Variants in SPIN1 observed in about 807,000 individuals in gnomAD.
SPIN1 encodes the protein spindlin 1.
In SPIN1, 3 loss-of-function variants were observed where a neutral mutation model predicts 26.0. That is an observed-to-expected ratio of 0.12 (90% CI 0.05 to 0.30). The LOEUF (loss-of-function observed/expected upper bound fraction) is 0.30, where lower values mean the gene tolerates loss of function less well. SPIN1 is among the 10% of genes least tolerant of loss of function. The pLI, the probability that SPIN1 is intolerant of heterozygous loss-of-function variation, is 1.00. For synonymous variants in SPIN1, 101 were observed against 116.5 expected, an observed-to-expected ratio of 0.87 and a Z score of 0.86; for missense variants, 126 against 333.4, an observed-to-expected ratio of 0.38 and a Z score of 4.84.
chr9:88,420,386 AACAG>A (rs1323153153), intron 1 of SPIN1, among the ~76,000 whole-genome samples: 1 of 152,172 alleles, frequency 6.6e-6, no homozygotes, highest in Admixed American at 6.5e-5. Context: ...AACAAAACGA[AACAG>A]AAACAAAACA....
chr9:88,457,038 A>G (rs1167002541), intron 3 of SPIN1, among the ~76,000 whole-genome samples: 1 of 152,198 alleles, frequency 6.6e-6, no homozygotes, highest in Non-Finnish European at 1.5e-5. Flanking sequence ...TCAAGATGAA[A>G]AGTATGACAG....
chr9:88,396,616 A>G (rs1411886836), intron 1 of SPIN1, among the ~76,000 whole-genome samples: 1 of 152,092 alleles, frequency 6.6e-6, no homozygotes, highest in Non-Finnish European at 1.5e-5. Context: ...AACAAAACAG[A>G]AAAACTCTAA....
At chr9:88,457,807 A>G in intron 3 of SPIN1, 2 of 976,408 alleles carry the variant, frequency 2.0e-6, no homozygotes, top group Non-Finnish European at 1.2e-6. Flanking sequence ...CTAGAAAGAC[A>G]GAATATACAT....
chr9:88,432,485 C>CTTTT (rs539466271), intron 2 of SPIN1, among the ~76,000 whole-genome samples: 1 of 141,548 alleles, frequency 7.1e-6, no homozygotes. Flanking sequence ...ACCCTGGCTC[C>CTTTT]TTTTTTTTTT....
chr9:88,460,927 A>G (rs1175399552), intron 3 of SPIN1, among the ~76,000 whole-genome samples: 3 of 152,196 alleles, frequency 2.0e-5, no homozygotes, highest in Non-Finnish European at 4.4e-5. Flanking sequence ...GCTCAGTGTT[A>G]GATAGTAGTT....
Position 88,468,596 on chromosome 9 carries a change from C to T in SPIN1, c.580C>T (p.Pro194Ser), listed in dbSNP as rs371662192. ...CAAAGAAGGCGACCTTCGCATTATG[C>T]CTGATTCCAGTAAGTATATATTGGC... ...DYKEGDLRIM[P>S]DSNDSPPAER... The change falls in exon 5 of 6, where the codon CCT becomes TCT. Residue 194 changes from proline (P) to serine (S), a missense_variant. Physicochemically the swap from Pro to Ser is moderately conservative, Grantham distance 74 (BLOSUM62 -1). Coordinates refer to ENST00000375859, the MANE Select transcript of SPIN1 (RefSeq NM_006717.3). The T allele has an allele frequency of 1.3e-5, 20 of 1,533,938 alleles. No homozygotes were observed. Among genetic ancestry groups the T allele is most frequent in the Non-Finnish European group, 1.7e-5 (19 of 1,140,504 alleles).
chr9:88,392,756 G>A (rs916274159), intron 1 of SPIN1, among the ~76,000 whole-genome samples: 3 of 152,160 alleles, frequency 2.0e-5, no homozygotes, highest in African/African-American at 7.2e-5. Flanking sequence ...GAGCTTAAAT[G>A]AAGTAAAATG....
intron 2 of SPIN1, among the ~76,000 whole-genome samples, chr9:88,444,392 C>T (rs1828201922): frequency 6.6e-6 from 1 of 151,652 alleles, no homozygotes; most frequent in African/African-American, 2.4e-5. Flanking sequence ...AGGCACCTGC[C>T]ACTATGCCCG....
At chr9:88,460,368 T>A (rs1828555822) in intron 3 of SPIN1, among the ~76,000 whole-genome samples, 1 of 152,226 alleles carries the variant, frequency 6.6e-6, no homozygotes, top group Admixed American at 6.5e-5. Context: ...TTACTTTGTT[T>A]GGTAGTTCTC....
rs184719326 is a variant in SPIN1, at chr9:88,458,046, G to A, written c.102-4450G>A. 3,229 of 902,836 alleles carry A rather than the reference G, an allele frequency of 3.6e-3. 3 individuals carry two copies. The highest frequency in any genetic ancestry group is 4.0e-3 in the Non-Finnish European group (2,983 of 754,768). 55.9% of individuals were successfully genotyped at this position (902,836 alleles called of 1,614,324 possible). A position where few individuals can be genotyped will look rare whatever the true frequency, so the allele number is the denominator to read the frequency against. ...CTTTGGCTGGGGGATGAAAAGTATA[G>A]GTTTTGATTAATCACAGATTTTAAT... On this transcript the variant is annotated intron_variant, in intron 3 of 5. Coordinates refer to ENST00000375859, the MANE Select transcript of SPIN1 (RefSeq NM_006717.3).
rs1435161116 is a variant in SPIN1 at position 88,411,288 on chromosome 9, ACT to A, written c.-158-15092_-158-15091del. Reference sequence around the variant, plus strand: ...ACCTCCACAGTGGCATATGTGACAAACTCAAAGCCCCTGGAGCACTTGGTGTT... The same window carrying A: ...ACCTCCACAGTGGCATATGTGACAAACAAAGCCCCTGGAGCACTTGGTGTT... On this transcript the variant is annotated intron_variant, in intron 1 of 5. Coordinates refer to ENST00000375859, the MANE Select transcript of SPIN1 (RefSeq NM_006717.3). 1.4e-4 allele frequency: 186 copies of A among 1,286,204 alleles called. 1 individual carries two copies. The highest frequency in any genetic ancestry group is 2.6e-4 in the Middle Eastern group (1 of 3,858). 79.7% of individuals were successfully genotyped at this position (1,286,204 alleles called of 1,614,324 possible).
intron 1 of SPIN1, among the ~76,000 whole-genome samples, chr9:88,394,482 C>T (rs932275577): frequency 4.6e-5 from 7 of 152,148 alleles, no homozygotes; most frequent in Non-Finnish European, 1.0e-4. Context: ...ATTTCCAGTT[C>T]GAATTTAACA....
intron 3 of SPIN1, chr9:88,457,835 A>C: frequency 2.0e-6 from 2 of 982,636 alleles, no homozygotes; most frequent in South Asian, 9.4e-5. Context: ...AAATGTGAAA[A>C]TACTACGCAA....
chr9:88,468,318 T>C, intron 4 of SPIN1, 54 bp from the exon 5 acceptor site: 1 of 1,323,000 alleles, frequency 7.6e-7, no homozygotes, highest in Non-Finnish European at 1.0e-6. Flanking sequence ...GTCTTCATAG[T>C]CGGTAATCAG....
chr9:88,404,522 T>C (rs1040603726), intron 1 of SPIN1, among the ~76,000 whole-genome samples: 4 of 152,234 alleles, frequency 2.6e-5, no homozygotes, highest in African/African-American at 9.6e-5. Flanking sequence ...AAACACATTG[T>C]ACAGATGTAT....
chr9:88,448,407 A>C (rs538368275), intron 2 of SPIN1, among the ~76,000 whole-genome samples: 1 of 152,068 alleles, frequency 6.6e-6, no homozygotes, highest in African/African-American at 2.4e-5. Context: ...ACTGGACTGC[A>C]GTGGCACAAA....
At chr9:88,434,783 G>A (rs1827966134) in intron 2 of SPIN1, among the ~76,000 whole-genome samples, 1 of 152,004 alleles carries the variant, frequency 6.6e-6, no homozygotes, top group South Asian at 2.1e-4. Context: ...TGAGCTGCGC[G>A]CGGTTGCTCA....
At chr9:88,463,085 T>A (rs951510761) in intron 4 of SPIN1, among the ~76,000 whole-genome samples, 1 of 152,216 alleles carries the variant, frequency 6.6e-6, no homozygotes, top group Non-Finnish European at 1.5e-5. Context: ...TCTCATCTCA[T>A]CAGATACAAA....
At chr9:88,398,619 A>G (rs1377847989) in intron 1 of SPIN1, among the ~76,000 whole-genome samples, 1 of 152,156 alleles carries the variant, frequency 6.6e-6, no homozygotes, top group Non-Finnish European at 1.5e-5. Context: ...CTTGTTGCCC[A>G]GGCTGGAGTG....
Sources: gnomAD v4.1 joint callset for allele counts (sites outside exome capture counted in the v4.1 genomes callset) on GRCh38, gnomAD v4.1.1 for gene constraint, MANE v1.5 for transcripts, NCBI Gene and HGNC (gene_info 2026-07-23, HGNC 2026-07-21) for gene names.